The following XKR9 variants were observed in gnomAD, a reference collection of about 807,000 sequenced individuals.
The protein encoded by XKR9 is XK related 9.
A neutral mutation model predicts 32.0 loss-of-function variants in XKR9; 32 were observed. The ratio of observed to expected loss-of-function variants is 1.00; its 90% CI spans 0.76 to 1.34. The LOEUF (loss-of-function observed/expected upper bound fraction) is 1.34, where lower values mean the gene tolerates loss of function less well. XKR9 is among the 40% of genes most tolerant of loss of function. The pLI, the probability that XKR9 is intolerant of heterozygous loss-of-function variation, is 0.00. For missense variants in XKR9, 546 were observed against 429.7 expected, an observed-to-expected ratio of 1.27 and a Z score of -2.39; for synonymous variants, 168 against 143.4, an observed-to-expected ratio of 1.17 and a Z score of -1.22.
the XKR9 span, among the ~76,000 whole-genome samples, chr8:71,048,652 C>T: frequency 1.3e-5 from 2 of 152,142 alleles, no homozygotes; most frequent in Non-Finnish European, 2.9e-5. Flanking sequence ...CTGAAAGTCA[C>T]AATATCACCA....
the XKR9 span, among the ~76,000 whole-genome samples, chr8:70,855,667 C>A: frequency 3.3e-5 from 5 of 152,184 alleles, no homozygotes; most frequent in Non-Finnish European, 5.9e-5. Flanking sequence ...TTCCAAGACA[C>A]ATAATTGTCA....
chr8:70,802,442 C>T, the XKR9 span, among the ~76,000 whole-genome samples: 1 of 152,202 alleles, frequency 6.6e-6, no homozygotes, highest in East Asian at 1.9e-4. Context: ...ACTTGCCACT[C>T]TATGCCTTTT....
the XKR9 span, among the ~76,000 whole-genome samples, chr8:70,843,309 G>C: frequency 1.3e-5 from 2 of 152,182 alleles, no homozygotes; most frequent in Admixed American, 6.5e-5. Flanking sequence ...AATAATGTCT[G>C]ATAGTAAGCA....
At chr8:70,971,057 A>T in the XKR9 span, among the ~76,000 whole-genome samples, 3 of 152,234 alleles carry the variant, frequency 2.0e-5, no homozygotes, top group South Asian at 4.1e-4. Flanking sequence ...ACTGTTTTCC[A>T]TAGTGGTTGT....
intron 2 of XKR9, among the ~76,000 whole-genome samples, chr8:70,765,123 G>A (rs1239070438): frequency 6.6e-6 from 1 of 152,126 alleles, no homozygotes; most frequent in African/African-American, 2.4e-5. Flanking sequence ...TGGGATTGCT[G>A]GGTCAAATGA....
At chr8:71,058,185 A>AAAT in the XKR9 span, among the ~76,000 whole-genome samples, 1 of 152,128 alleles carries the variant, frequency 6.6e-6, no homozygotes, top group Non-Finnish European at 1.5e-5. Context: ...TCTCAAAAAA[A>AAAT]AAATAAAATT....
At chr8:70,683,341 C>T (rs1819149012) in intron 3 of XKR9, among the ~76,000 whole-genome samples, 1 of 152,036 alleles carries the variant, frequency 6.6e-6, no homozygotes, top group African/African-American at 2.4e-5. Flanking sequence ...CATTTTAATG[C>T]CTGTTTTTAA....
the XKR9 span, among the ~76,000 whole-genome samples, chr8:70,952,239 G>A: frequency 6.6e-6 from 1 of 151,410 alleles, no homozygotes; most frequent in Non-Finnish European, 1.5e-5. Context: ...TGTTTATACA[G>A]TTTAAACATT....
chr8:70,858,763 A>T, the XKR9 span, among the ~76,000 whole-genome samples: 2 of 152,118 alleles, frequency 1.3e-5, no homozygotes, highest in Non-Finnish European at 2.9e-5. Context: ...GGGAAAGGAC[A>T]GTCTCTTCAA....
the XKR9 span, among the ~76,000 whole-genome samples, chr8:71,060,364 A>G: frequency 1.3e-5 from 2 of 152,194 alleles, no homozygotes; most frequent in African/African-American, 2.4e-5. Context: ...CGTTACCTCC[A>G]CATCCAAGGC....
the XKR9 span, among the ~76,000 whole-genome samples, chr8:70,885,965 C>G: frequency 1.3e-5 from 2 of 151,922 alleles, no homozygotes; most frequent in African/African-American, 4.8e-5. Context: ...TAGGTATACA[C>G]GTGCCATGGT....
chr8:70,792,611 C>A (rs999283931), downstream of XKR9, among the ~76,000 whole-genome samples: 2 of 152,052 alleles, frequency 1.3e-5, no homozygotes, highest in Non-Finnish European at 2.9e-5. Flanking sequence ...CTAGACAGGG[C>A]TTTAAGGAGC....
chr8:70,895,963 G>A, the XKR9 span, among the ~76,000 whole-genome samples: 17 of 152,148 alleles, frequency 1.1e-4, no homozygotes, highest in African/African-American at 4.1e-4. Context: ...AGCTGAGATC[G>A]CACCACTGCA....
At chr8:70,838,407 A>G in the XKR9 span, among the ~76,000 whole-genome samples, 1 of 152,068 alleles carries the variant, frequency 6.6e-6, no homozygotes, top group Non-Finnish European at 1.5e-5. Flanking sequence ...TTTACAGACA[A>G]TGAAACAGGC....
intron 2 of XKR9, among the ~76,000 whole-genome samples, chr8:70,758,662 G>A (rs1377050308): frequency 6.6e-6 from 1 of 152,164 alleles, no homozygotes; most frequent in East Asian, 1.9e-4. Context: ...CAACGTTTTT[G>A]TCGTTCACAA....
At chr8:70,752,537 A>C (rs942114579) in intron 2 of XKR9, among the ~76,000 whole-genome samples, 4 of 152,254 alleles carry the variant, frequency 2.6e-5, no homozygotes, top group Middle Eastern at 3.4e-3. Context: ...TGAGAGTGAG[A>C]ATTTACCCCT....
chr8:71,014,764 C>T, the XKR9 span, among the ~76,000 whole-genome samples: 1 of 152,120 alleles, frequency 6.6e-6, no homozygotes, highest in South Asian at 2.1e-4. Context: ...AGAGTGTACT[C>T]AACAAATGTC....
the XKR9 span, among the ~76,000 whole-genome samples, chr8:70,968,488 GTGT>G: frequency 2.6e-5 from 4 of 152,162 alleles, no homozygotes; most frequent in East Asian, 7.7e-4. Flanking sequence ...TGCTGGAGAG[GTGT>G]TGTAGTCATT....
intron 4 of XKR9, among the ~76,000 whole-genome samples, chr8:70,716,425 G>T (rs1408144533): frequency 7.6e-6 from 1 of 132,018 alleles, no homozygotes; most frequent in African/African-American, 2.5e-5. Context: ...CATTCTGCAG[G>T]GCTGCGGTGG....
Sources: allele counts gnomAD v4.1 joint callset (sites outside exome capture counted in the v4.1 genomes callset), GRCh38; gene constraint gnomAD v4.1.1; transcripts MANE v1.5; gene names NCBI Gene and HGNC (gene_info 2026-07-23, HGNC 2026-07-21).